CTSS: variants seen among roughly 807,000 people sequenced by gnomAD.
CTSS encodes cathepsin S.
A neutral mutation model predicts 39.9 loss-of-function variants in CTSS; 15 were observed. The ratio of observed to expected loss-of-function variants is 0.38; its 90% CI spans 0.25 to 0.58. CTSS has a LOEUF of 0.58. Ranked by LOEUF, CTSS falls within the 20% of genes least tolerant of loss-of-function variation. The probability of loss-of-function intolerance (pLI) is 0.70; values close to 1 mark genes in which losing one functional copy is unlikely to be tolerated. For synonymous variants in CTSS, 126 were observed against 138.2 expected (o/e 0.91, Z 0.62); for missense variants, 250 against 398.2 (o/e 0.63, Z 3.17).
At chr1:150,757,050 G>C (rs1328184506) in intron 3 of CTSS, among the ~76,000 whole-genome samples, 1 of 152,004 alleles carries the variant, frequency 6.6e-6, no homozygotes, top group Non-Finnish European at 1.5e-5. Context: ...AACTGTAACT[G>C]TGAATATATT....
intron 4 of CTSS, among the ~76,000 whole-genome samples, chr1:150,752,994 C>A (rs907680213): frequency 6.6e-6 from 1 of 152,028 alleles, no homozygotes; most frequent in Non-Finnish European, 1.5e-5. Context: ...GCTGGGACTA[C>A]AGGAGCGCAC....
chr1:150,747,719 T>C, intron 7 of CTSS, 58 bp downstream of exon 7: 1 of 1,081,054 alleles, frequency 9.3e-7, no homozygotes, highest in Non-Finnish European at 1.4e-6. Flanking sequence ...ATGAGAGTAT[T>C]TGCTGAAACT....
chr1:150,746,874 T>G (rs1381567219), intron 7 of CTSS, among the ~76,000 whole-genome samples: 1 of 152,088 alleles, frequency 6.6e-6, no homozygotes, highest in African/African-American at 2.4e-5. Context: ...TTGTCTTCTG[T>G]CAGGGAACAT....
chr1:150,765,101 CAAA>C (rs34212473), intron 1 of CTSS, among the ~76,000 whole-genome samples: 2 of 132,322 alleles, frequency 1.5e-5, no homozygotes. Context: ...CTCTCTCTCT[CAAA>C]AAAAAAAAAA....
chr1:150,764,691 C>T lies in CTSS; in HGVS notation c.73G>A (p.Asp25Asn), dbSNP rs369740966. 2 of 1,613,960 alleles carry T rather than the reference C, an allele frequency of 1.2e-6. No homozygotes were observed. Among genetic ancestry groups the T allele is most frequent in the African/African-American group, 2.7e-5 (2 of 74,906 alleles). ...TTCTTCCAGAGATGCCAGTGGTGAT[C>T]CAGGGTAGGATCTTTATGCAACTGT... is the stretch of plus-strand genomic sequence containing the variant. ...VAQLHKDPTL[D>N]HHWHLWKKTY... The change falls in exon 2 of 8, where the codon GAT becomes AAT. Residue 25 changes from aspartate to asparagine, a missense_variant. Physicochemically the swap from Asp to Asn is conservative, Grantham distance 23. Transcript: ENST00000368985.
chr1:150,754,430 CTTT>C (rs35667418), intron 4 of CTSS, among the ~76,000 whole-genome samples: 1 of 135,158 alleles, frequency 7.4e-6, no homozygotes, highest in East Asian at 2.2e-4. Context: ...TATACTTTAC[CTTT>C]TTTTTTTTTT....
At chr1:150,764,568 A>G in intron 2 of CTSS, 70 bp downstream of exon 2, 5 of 1,592,490 alleles carry the variant, frequency 3.1e-6, no homozygotes, top group East Asian at 2.3e-5. Flanking sequence ...TGCCTGTAAG[A>G]ACACAATTTT....
intron 7 of CTSS, among the ~76,000 whole-genome samples, chr1:150,745,063 G>T (rs775033083): frequency 6.6e-6 from 1 of 152,122 alleles, no homozygotes; most frequent in Non-Finnish European, 1.5e-5. Context: ...AGTGAACCAA[G>T]ATATTGATCC....
intron 2 of CTSS, among the ~76,000 whole-genome samples, chr1:150,762,641 A>G (rs1023099151): frequency 6.6e-6 from 1 of 152,196 alleles, no homozygotes; most frequent in Non-Finnish European, 1.5e-5. Flanking sequence ...AAAACAAGAC[A>G]CATACAAATG....
chr1:150,751,097 T>A (rs1652996949), intron 5 of CTSS, among the ~76,000 whole-genome samples: 1 of 152,204 alleles, frequency 6.6e-6, no homozygotes, highest in Admixed American at 6.5e-5. Flanking sequence ...TATCAAAATG[T>A]ATAATGAATT....
intron 2 of CTSS, among the ~76,000 whole-genome samples, 189 bp downstream of exon 2, chr1:150,764,449 G>C (rs1254711322): frequency 6.6e-6 from 1 of 152,046 alleles, no homozygotes; most frequent in African/African-American, 2.4e-5. Context: ...TGTTGGCTAG[G>C]CTGGTCTCGA....
rs977637028 is a variant in CTSS, at chr1:150,731,849, C to A, written c.*1197G>T. 6.6e-6 allele frequency: 1 copy of A among 152,150 alleles called. No homozygotes were observed. Among genetic ancestry groups the A allele is most frequent in the Admixed American group, 6.6e-5 (1 of 15,264 alleles). The allele number at this position is 152,150 out of a possible 1,614,324, so 9.4% of individuals were successfully genotyped here. On this transcript the variant is annotated 3_prime_UTR_variant, in exon 8 of 8. Coordinates refer to ENST00000368985, the MANE Select transcript of CTSS (RefSeq NM_004079.5). The stretch of plus-strand genomic sequence containing the variant: ...TAAATTGTTGATCATTAAAATAATT[C>A]TTCCAAAGTGCTTGTCTTTTATGCA...
chr1:150,759,529 A>G (rs1361075921), intron 2 of CTSS, among the ~76,000 whole-genome samples: 1 of 151,876 alleles, frequency 6.6e-6, no homozygotes. Context: ...AATCCTTTTG[A>G]TTTTTATCGC....
chr1:150,742,480 A>T (rs964681035), intron 7 of CTSS, among the ~76,000 whole-genome samples: 1 of 152,154 alleles, frequency 6.6e-6, no homozygotes, highest in African/African-American at 2.4e-5. Context: ...ATATGAAAAT[A>T]TAGTGGAAGA....
chr1:150,743,519 ATT>A (rs1291874353), intron 7 of CTSS, among the ~76,000 whole-genome samples: 15 of 128,518 alleles, frequency 1.2e-4, no homozygotes, highest in African/African-American at 3.4e-4. Flanking sequence ...ATATATATAT[ATT>A]TATAAATATA....
intron 4 of CTSS, among the ~76,000 whole-genome samples, chr1:150,754,450 TGGA>T (rs1653074282): frequency 7.3e-6 from 1 of 137,580 alleles, no homozygotes. Flanking sequence ...TTTTTTGAGA[TGGA>T]GTCTCGCTCT....
At position 150,757,536 on chromosome 1, in the gene CTSS, A is replaced by G. The variant is rs1450815574; in HGVS notation, c.249+322T>C. On this transcript the variant is annotated intron_variant, in intron 3 of 7. Transcript: ENST00000368985. ...TACTAAATTGTCAATCTAGACTTAA[A>G]TAAGTATGGCAACTTGCTATAAAAA... 3.3e-5 allele frequency among the ~76,000 whole-genome samples: 5 copies of G among 152,182 alleles called. No homozygotes were observed. The East Asian group carries it at 7.7e-4, about 23-fold the overall frequency.
chr1:150,756,118 T>G (rs995229681), intron 3 of CTSS, among the ~76,000 whole-genome samples: 2 of 152,178 alleles, frequency 1.3e-5, no homozygotes, highest in Admixed American at 1.3e-4. Flanking sequence ...TTTTACACTT[T>G]TTTGTTAAAA....
At position 150,731,104 on chromosome 1, in the gene CTSS, T is replaced by C. The variant is rs2101905892; in HGVS notation, c.*1942A>G. ...AAAAATTATGTTAAAAACTGAAAAG[T>C]AGGCTGGGCTCAGTGGCTCACGCCT... is the stretch of plus-strand genomic sequence containing the variant. On this transcript the variant is annotated 3_prime_UTR_variant, in exon 8 of 8. Transcript: ENST00000368985. 1 of 152,302 alleles carries C rather than the reference T, an allele frequency of 6.6e-6. No homozygotes were observed. Among genetic ancestry groups the C allele is most frequent in the East Asian group, 1.9e-4 (1 of 5,184 alleles). 9.4% of individuals were successfully genotyped at this position (152,302 alleles called of 1,614,324 possible).
Sources: gnomAD v4.1 joint callset for allele counts (sites outside exome capture counted in the v4.1 genomes callset) on GRCh38, gnomAD v4.1.1 for gene constraint, MANE v1.5 for transcripts, NCBI Gene and HGNC (gene_info 2026-07-23, HGNC 2026-07-21) for gene names.